SNRPA1: variants seen among roughly 807,000 people sequenced by gnomAD.
SNRPA1 encodes U2 small nuclear ribonucleoprotein A'.
In SNRPA1, 5 loss-of-function variants were observed where a neutral mutation model predicts 32.3. The observed-to-expected ratio is 0.15, with a 90% confidence interval of 0.08 to 0.33. The LOEUF is 0.33. Ranked by LOEUF, SNRPA1 falls within the 10% of genes least tolerant of loss-of-function variation. The pLI, the probability that SNRPA1 is intolerant of heterozygous loss-of-function variation, is 1.00. For missense variants in SNRPA1, 198 were observed against 311.1 expected, an observed-to-expected ratio of 0.64 and a Z score of 2.74; for synonymous variants, 111 against 120.1, an observed-to-expected ratio of 0.92 and a Z score of 0.50.
At chr15:101,286,486 C>T in intron 5 of SNRPA1, 193 bp from the exon 6 acceptor site, 2 of 522,494 alleles carry the variant, frequency 3.8e-6, no homozygotes, top group South Asian at 6.1e-5. Flanking sequence ...AAAGTTCATT[C>T]TCCTAGCTCC....
intron 3 of SNRPA1, among the ~76,000 whole-genome samples, chr15:101,289,186 T>A (rs74836446): frequency 6.6e-6 from 1 of 152,188 alleles, no homozygotes; most frequent in Non-Finnish European, 1.5e-5. Flanking sequence ...ATTTGTTACA[T>A]ACACAGTGTA....
At chr15:101,289,305 A>G (rs2039493613) in intron 3 of SNRPA1, among the ~76,000 whole-genome samples, 1 of 152,238 alleles carries the variant, frequency 6.6e-6, no homozygotes, top group South Asian at 2.1e-4. Flanking sequence ...AGCAGGGTAA[A>G]GGTGTCAAAG....
At position 101,286,207 on chromosome 15, in the gene SNRPA1, G is replaced by A. The variant is rs376051368; in HGVS notation, c.539+7C>T. ...AAGTAGAGTTAAGTTGGATATCCGT[G>A]TCTTACGTTTTGCTTCTCCTGGCAA... On this transcript the variant is annotated splice_region_variant and intron_variant, in intron 6 of 8. Transcript: ENST00000254193. 5.3e-5 allele frequency: 85 copies of A among 1,611,470 alleles called. No homozygotes were observed. The highest frequency in any genetic ancestry group is 7.0e-5 in the Non-Finnish European group (82 of 1,177,800).
chr15:101,291,420 T>TA (rs2039524675), intron 3 of SNRPA1, among the ~76,000 whole-genome samples: 1 of 152,218 alleles, frequency 6.6e-6, no homozygotes, highest in African/African-American at 2.4e-5. Flanking sequence ...GTAGCCATGT[T>TA]AAAATAGGTG....
chr15:101,292,969 A>C (rs2039543952), intron 2 of SNRPA1, 56 bp downstream of exon 2: 2 of 1,275,364 alleles, frequency 1.6e-6, no homozygotes, highest in Non-Finnish European at 2.1e-6. Context: ...CTTCTTCAGG[A>C]AACACTGCAA....
chr15:101,292,869 AT>A (rs1596473016), intron 2 of SNRPA1, 155 bp downstream of exon 2: 1 of 458,726 alleles, frequency 2.2e-6, no homozygotes, highest in East Asian at 3.5e-5. Context: ...GGCTTCCATT[AT>A]GGAAAAAATA....
chr15:101,295,225 C>A lies in SNRPA1; in HGVS notation c.-47G>T, dbSNP rs957749035. 1.4e-6 allele frequency: 2 copies of A among 1,458,082 alleles called. No individual in the cohort carries two copies. Among genetic ancestry groups the A allele is most frequent in the South Asian group, 1.3e-5 (1 of 76,130 alleles). 90.3% of individuals were successfully genotyped at this position (1,458,082 alleles called of 1,614,324 possible). On this transcript the variant is annotated 5_prime_UTR_variant, in exon 1 of 9. Coordinates refer to ENST00000254193, the MANE Select transcript of SNRPA1 (RefSeq NM_003090.4). ...GCGCTGTGGAAAGCCCGTGGCCTCC[C>A]GCCAGCGAGACGTCCCAGCGTGCCC... is the stretch of plus-strand genomic sequence containing the variant.
rs1267033301 is a variant in SNRPA1 at position 101,287,981 on chromosome 15, G to T, written c.310-279C>A. ...AATCTCAAAGTGGCTGCTGAGCCAT[G>T]ATTTGGAAAAGAAAACAATGGCAAA... On this transcript the variant is annotated intron_variant, in intron 3 of 8. Transcript: ENST00000254193. 4 of 389,328 alleles carry T rather than the reference G, an allele frequency of 1.0e-5. No individual in the cohort carries two copies. In the Admixed American group the frequency reaches 1.5e-4, roughly 15 times the overall value. 24.1% of individuals were successfully genotyped at this position (389,328 alleles called of 1,614,324 possible). A position where few individuals can be genotyped will look rare whatever the true frequency, so the allele number is the denominator to read the frequency against.
chr15:101,292,893 A>C (rs2039542712), intron 2 of SNRPA1, 132 bp downstream of exon 2: 4 of 524,052 alleles, frequency 7.6e-6, no homozygotes, highest in Non-Finnish European at 1.3e-5. Context: ...TTTTCAAAAT[A>C]TAAATAAAAA....
intron 3 of SNRPA1, chr15:101,289,925 C>CAAAAAAAAAAAAAAATAAAAAAAAAAAAA (rs2039501356): frequency 1.4e-5 from 1 of 70,024 alleles, no homozygotes; most frequent in Non-Finnish European, 2.7e-5. Flanking sequence ...CACTCCATCT[C>CAAAAAAAAAAAAAAATAAAAAAAAAAAAA]AAAAAAAAAA....
rs747342620 is a variant in SNRPA1, at chr15:101,295,173, G to C, written c.6C>G (p.Val2=). 3 of 1,552,982 alleles carry C rather than the reference G, an allele frequency of 1.9e-6. No individual in the cohort carries two copies. The South Asian group carries it at 3.6e-5, about 18-fold the overall frequency. Residue 2 remains valine (V), a synonymous_variant, in exon 1 of 9, where the codon GTC becomes GTG. Transcript: ENST00000254193. M[V]KLTAELIEQA... is the part of the protein sequence containing the mutation. ...GCTCGATCAGCTCCGCCGTCAGCTTGACCATCCTGCAGCCTCCCGTTCCCC... is the reference window on the plus strand; with the variant it reads ...GCTCGATCAGCTCCGCCGTCAGCTTCACCATCCTGCAGCCTCCCGTTCCCC...
intron 8 of SNRPA1, among the ~76,000 whole-genome samples, chr15:101,283,894 C>G (rs1027305390): frequency 6.6e-6 from 1 of 152,226 alleles, no homozygotes; most frequent in East Asian, 1.9e-4. Flanking sequence ...GAGCCGAGAT[C>G]GCGCCACTGC....
At chr15:101,283,517 G>A (rs1423281834) in intron 8 of SNRPA1, among the ~76,000 whole-genome samples, 1 of 152,188 alleles carries the variant, frequency 6.6e-6, no homozygotes, top group African/African-American at 2.4e-5. Flanking sequence ...AGTGAGGTGA[G>A]ATTGCACCAC....
chr15:101,287,399 T>G (rs1201101444), intron 4 of SNRPA1, among the ~76,000 whole-genome samples: 4 of 152,110 alleles, frequency 2.6e-5, no homozygotes, highest in African/African-American at 9.7e-5. Context: ...GTGTTCTCAT[T>G]GTTCAATTCT....
chr15:101,284,101 C>T (rs141897594), intron 8 of SNRPA1, among the ~76,000 whole-genome samples: 7 of 152,322 alleles, frequency 4.6e-5, no homozygotes, highest in African/African-American at 1.4e-4. Context: ...ATCCCTAGTG[C>T]CCCACATGCA....
intron 5 of SNRPA1, 30 bp from the exon 6 acceptor site, chr15:101,286,323 G>T: frequency 6.3e-7 from 1 of 1,597,494 alleles, no homozygotes; most frequent in Non-Finnish European, 8.6e-7. Flanking sequence ...AGAGTTAATG[G>T]AAATAGGAAT....
At chr15:101,282,998 C>A (rs2039413897) in intron 8 of SNRPA1, among the ~76,000 whole-genome samples, 1 of 150,918 alleles carries the variant, frequency 6.6e-6, no homozygotes, top group Non-Finnish European at 1.5e-5. Flanking sequence ...CATGTGCACC[C>A]CCTTTCTGTC....
intron 2 of SNRPA1, among the ~76,000 whole-genome samples, chr15:101,292,570 G>GT (rs2039537790): frequency 6.8e-6 from 1 of 147,082 alleles, no homozygotes; most frequent in Non-Finnish European, 1.5e-5. Context: ...ATAAGTAACA[G>GT]TCTAGAAATT....
At chr15:101,283,336 C>G (rs939595493) in intron 8 of SNRPA1, among the ~76,000 whole-genome samples, 8 of 151,168 alleles carry the variant, frequency 5.3e-5, no homozygotes, top group African/African-American at 1.9e-4. Context: ...ATCATGAGGT[C>G]AGGAGATCGA....
Sources: allele counts gnomAD v4.1 joint callset (sites outside exome capture counted in the v4.1 genomes callset), GRCh38; gene constraint gnomAD v4.1.1; transcripts MANE v1.5; gene names NCBI Gene and HGNC (gene_info 2026-07-23, HGNC 2026-07-21).